The following RPS6KC1 variants were observed in gnomAD, a reference collection of about 807,000 sequenced individuals.
The protein encoded by RPS6KC1 is inactive ribosomal protein S6 kinase delta-1.
In RPS6KC1, 54 loss-of-function variants were observed where a neutral mutation model predicts 103.8. The ratio of observed to expected loss-of-function variants is 0.52; its 90% confidence interval spans 0.42 to 0.65. The LOEUF (loss-of-function observed/expected upper bound fraction) is 0.65. RPS6KC1 is among the 30% of genes least tolerant of loss of function. The pLI is 0.00. For missense variants in RPS6KC1, 1,151 were observed against 1,253.8 expected (o/e 0.92, Z 1.24); for synonymous variants, 439 against 438.7 (o/e 1.00, Z -0.01).
At chr1:213,780,035 G>T in the RPS6KC1 span, among the ~76,000 whole-genome samples, 46 of 152,290 alleles carry the variant, frequency 3.0e-4, no homozygotes, top group Non-Finnish European at 5.0e-4. Flanking sequence ...ATTTCAGGGA[G>T]TCTAGGGTCA....
intron 8 of RPS6KC1, among the ~76,000 whole-genome samples, chr1:213,190,157 T>C (rs1483897009): frequency 6.6e-6 from 1 of 152,196 alleles, no homozygotes; most frequent in Admixed American, 6.5e-5. Context: ...TCCTTTCTTT[T>C]GGGTATATAC....
At chr1:213,459,612 A>G in the RPS6KC1 span, among the ~76,000 whole-genome samples, 1 of 151,372 alleles carries the variant, frequency 6.6e-6, no homozygotes, top group African/African-American at 2.4e-5. Flanking sequence ...GATCTTAGTT[A>G]TTTCTTGTCT....
At chr1:213,760,643 A>T in the RPS6KC1 span, among the ~76,000 whole-genome samples, 1 of 152,216 alleles carries the variant, frequency 6.6e-6, no homozygotes, top group Non-Finnish European at 1.5e-5. Context: ...GACAAACAAC[A>T]TTAGTAATCA....
chr1:213,846,195 G>GC, the RPS6KC1 span, among the ~76,000 whole-genome samples: 1 of 151,638 alleles, frequency 6.6e-6, no homozygotes, highest in South Asian at 2.1e-4. Context: ...AGCTACTAGG[G>GC]AGGCTGAGGC....
chr1:213,141,562 T>C (rs2087036280), intron 6 of RPS6KC1, among the ~76,000 whole-genome samples: 2 of 152,052 alleles, frequency 1.3e-5, no homozygotes, highest in African/African-American at 4.8e-5. Flanking sequence ...CTGAATCTTA[T>C]TTGTTCTTTC....
chr1:213,057,965 A>G (rs953688250), intron 1 of RPS6KC1, among the ~76,000 whole-genome samples: 1 of 148,194 alleles, frequency 6.7e-6, no homozygotes, highest in African/African-American at 2.5e-5. Flanking sequence ...ACCCAGTTTC[A>G]CCATGTTGTC....
intron 5 of RPS6KC1, among the ~76,000 whole-genome samples, chr1:213,123,099 A>T (rs987787878): frequency 6.6e-6 from 1 of 152,172 alleles, no homozygotes; most frequent in African/African-American, 2.4e-5. Flanking sequence ...ATTTCAGAGA[A>T]GTTTAGCCAT....
intron 6 of RPS6KC1, among the ~76,000 whole-genome samples, chr1:213,142,768 C>T (rs74906531): frequency 2.6e-5 from 4 of 151,918 alleles, no homozygotes; most frequent in East Asian, 3.8e-4. Flanking sequence ...CTCGGATGAT[C>T]GTTGTCATTT....
At chr1:213,830,659 A>T in the RPS6KC1 span, among the ~76,000 whole-genome samples, 14 of 150,694 alleles carry the variant, frequency 9.3e-5, no homozygotes, top group Admixed American at 4.7e-4. Flanking sequence ...GAAAGGTCCA[A>T]TGTCACATTC....
the RPS6KC1 span, among the ~76,000 whole-genome samples, chr1:213,447,655 T>C: frequency 1.3e-5 from 2 of 152,178 alleles, no homozygotes; most frequent in Non-Finnish European, 2.9e-5. Context: ...AGTCTATTTC[T>C]CAAAGAATTG....
At chr1:213,658,858 A>G in the RPS6KC1 span, among the ~76,000 whole-genome samples, 4 of 152,186 alleles carry the variant, frequency 2.6e-5, no homozygotes, top group Admixed American at 6.5e-5. Context: ...TTTAACCTTG[A>G]CTGGGGTTCT....
the RPS6KC1 span, among the ~76,000 whole-genome samples, chr1:213,776,956 G>C: frequency 6.6e-6 from 1 of 152,006 alleles, no homozygotes. Flanking sequence ...GCTAGCTTCC[G>C]ATTTTTCTTC....
intron 2 of RPS6KC1, among the ~76,000 whole-genome samples, chr1:213,076,505 A>G (rs1340261226): frequency 6.6e-6 from 1 of 152,176 alleles, no homozygotes; most frequent in Non-Finnish European, 1.5e-5. Context: ...AGAAGACCCC[A>G]GTATCTGAAG....
At chr1:213,406,644 A>T in the RPS6KC1 span, among the ~76,000 whole-genome samples, 1 of 152,124 alleles carries the variant, frequency 6.6e-6, no homozygotes, top group Non-Finnish European at 1.5e-5. Context: ...AATGGATTGC[A>T]AGTGTTGAAG....
the RPS6KC1 span, among the ~76,000 whole-genome samples, chr1:213,720,603 T>C: frequency 6.6e-6 from 1 of 152,192 alleles, no homozygotes; most frequent in African/African-American, 2.4e-5. Flanking sequence ...CAGGAGAACT[T>C]GTTTTAGGTA....
At chr1:213,075,361 T>G (rs2079237103) in intron 2 of RPS6KC1, among the ~76,000 whole-genome samples, 1 of 152,198 alleles carries the variant, frequency 6.6e-6, no homozygotes, top group Non-Finnish European at 1.5e-5. Context: ...GATATATTTT[T>G]AAAATATAAA....
intron 7 of RPS6KC1, among the ~76,000 whole-genome samples, chr1:213,174,969 A>G (rs1341409649): frequency 6.6e-6 from 1 of 152,218 alleles, no homozygotes; most frequent in Non-Finnish European, 1.5e-5. Context: ...ATCTTTAGAA[A>G]TAAAAAGTCT....
the RPS6KC1 span, among the ~76,000 whole-genome samples, chr1:213,363,694 CTTT>C: frequency 2.4e-4 from 23 of 96,436 alleles, no homozygotes; most frequent in East Asian, 8.7e-4. Flanking sequence ...TTCTTTCTTT[CTTT>C]CTTTCCTTCT....
chr1:213,240,672 T>C (rs1296640983), intron 10 of RPS6KC1, 30 bp from the exon 11 acceptor site: 2 of 1,544,052 alleles, frequency 1.3e-6, no homozygotes, highest in Non-Finnish European at 1.7e-6. Flanking sequence ...ATCTTAATAC[T>C]TTTGTTTGTT....
Sources: gnomAD v4.1 joint callset for allele counts (sites outside exome capture counted in the v4.1 genomes callset) on GRCh38, gnomAD v4.1.1 for gene constraint, MANE v1.5 for transcripts, NCBI Gene and HGNC (gene_info 2026-07-23, HGNC 2026-07-21) for gene names.